STAG1: variants seen among roughly 807,000 people sequenced by gnomAD.
STAG1 encodes the protein STAG1 cohesin complex component, also known as cohesin subunit SA-1.
Under a neutral mutation model 170.9 loss-of-function variants are expected in STAG1, and 26 were observed. That is an observed-to-expected ratio of 0.15 (90% CI 0.11 to 0.21). The LOEUF (loss-of-function observed/expected upper bound fraction) is 0.21. Ranked by LOEUF, STAG1 falls within the 10% of genes least tolerant of loss-of-function variation. The pLI, the probability that STAG1 is intolerant of heterozygous loss-of-function variation, is 1.00. For synonymous variants in STAG1, 514 were observed against 497.7 expected (o/e 1.03, Z -0.44); for missense variants, 964 against 1,509.5 (o/e 0.64, Z 5.99).
chr3:136,499,960 A>AT (rs1254397953), intron 9 of STAG1: 2 of 269,722 alleles, frequency 7.4e-6, no homozygotes, highest in Non-Finnish European at 1.4e-5. Flanking sequence ...GATCCTATTA[A>AT]TTAATATTCC....
At chr3:136,549,366 A>G in intron 5 of STAG1, among the ~76,000 whole-genome samples, 1 of 151,872 alleles carries the variant, frequency 6.6e-6, no homozygotes, top group Non-Finnish European at 1.5e-5. Context: ...GCTGGAGTGC[A>G]ATGGTATGAT....
chr3:136,737,604 C>A (rs1934415379), intron 1 of STAG1, among the ~76,000 whole-genome samples: 1 of 152,200 alleles, frequency 6.6e-6, no homozygotes, highest in African/African-American at 2.4e-5. Flanking sequence ...CATACTACCT[C>A]TTGCTTCCTG....
At chr3:136,588,125 T>C (rs891130113) in intron 4 of STAG1, among the ~76,000 whole-genome samples, 7 of 152,222 alleles carry the variant, frequency 4.6e-5, no homozygotes, top group Non-Finnish European at 8.8e-5. Context: ...GTTCAACAAA[T>C]AGCAAAACAT....
intron 3 of STAG1, among the ~76,000 whole-genome samples, chr3:136,621,611 TA>T (rs1020413496): frequency 3.3e-5 from 5 of 152,322 alleles, no homozygotes; most frequent in African/African-American, 9.6e-5. Flanking sequence ...CTTCCCCCAT[TA>T]TTTTTTTCCT....
At chr3:136,668,390 A>ATATAT (rs1559940333) in intron 1 of STAG1, among the ~76,000 whole-genome samples, 1 of 146,420 alleles carries the variant, frequency 6.8e-6, no homozygotes, top group Non-Finnish European at 1.5e-5. Flanking sequence ...ATAATATATA[A>ATATAT]AATATATATT....
chr3:136,591,233 AAGGG>A (rs895927331), intron 4 of STAG1, among the ~76,000 whole-genome samples: 139 of 129,282 alleles, frequency 1.1e-3, no homozygotes, highest in Middle Eastern at 3.9e-3. Flanking sequence ...AAAAAAAAAG[AAGGG>A]AGGGAGGGAG....
At chr3:136,499,132 G>A (rs1933324356) in intron 9 of STAG1, among the ~76,000 whole-genome samples, 1 of 152,104 alleles carries the variant, frequency 6.6e-6, no homozygotes, top group Admixed American at 6.6e-5. Flanking sequence ...ATGGTTTACA[G>A]GCAATTCTTG....
intron 2 of STAG1, among the ~76,000 whole-genome samples, chr3:136,625,698 T>G (rs1940063676): frequency 6.6e-6 from 1 of 152,152 alleles, no homozygotes; most frequent in South Asian, 2.1e-4. Flanking sequence ...AATCTGTTTC[T>G]CACTCTTTCC....
chr3:136,416,132 C>T (rs1292639041), intron 21 of STAG1, among the ~76,000 whole-genome samples: 5 of 152,032 alleles, frequency 3.3e-5, no homozygotes, highest in South Asian at 2.1e-4. Context: ...CTCAGCCTCC[C>T]GAGTAGCTGG....
chr3:136,553,164 G>T (rs994815295), intron 5 of STAG1, among the ~76,000 whole-genome samples: 5 of 152,038 alleles, frequency 3.3e-5, no homozygotes, highest in African/African-American at 1.2e-4. Context: ...TTACAGAAAT[G>T]AACAATACAC....
chr3:136,518,567 T>C (rs563549266), intron 7 of STAG1, among the ~76,000 whole-genome samples: 2 of 152,286 alleles, frequency 1.3e-5, no homozygotes, highest in African/African-American at 4.8e-5. Flanking sequence ...AAGCCCTCTG[T>C]GCTTTGTTGA....
At chr3:136,697,747 C>G (rs1406977548) in intron 1 of STAG1, among the ~76,000 whole-genome samples, 1 of 152,164 alleles carries the variant, frequency 6.6e-6, no homozygotes, top group Non-Finnish European at 1.5e-5. Flanking sequence ...TAGACACAAC[C>G]CAGGCATTTT....
chr3:136,521,535 A>G, intron 6 of STAG1, 118 bp from the exon 7 acceptor site: 1 of 745,372 alleles, frequency 1.3e-6, no homozygotes. Context: ...AGAAAGAAAT[A>G]GGTGACTTTC....
chr3:136,673,107 T>C lies in STAG1; in HGVS notation c.-83-42126A>G, dbSNP rs536301858. Among the ~76,000 whole-genome samples, 28 of 152,344 alleles carry C rather than the reference T, an allele frequency of 1.8e-4. 1 individual carries two copies. Among genetic ancestry groups the C allele is most frequent in the African/African-American group, 6.5e-4 (27 of 41,594 alleles). ...TGAAAAAGGGAATAAGAATTCGTTT[T>C]AATATCAAAACAACATAGAGAGTTA... On this transcript the variant is annotated intron_variant, in intron 1 of 33. Coordinates refer to ENST00000383202, the MANE Select transcript of STAG1 (RefSeq NM_005862.3).
At chr3:136,749,533 G>A (rs527703187) in intron 1 of STAG1, among the ~76,000 whole-genome samples, 2 of 152,216 alleles carry the variant, frequency 1.3e-5, no homozygotes, top group South Asian at 2.1e-4. Context: ...AGATCACGAG[G>A]TGAAGAGATG....
chr3:136,587,168 TA>T (rs758067073), intron 4 of STAG1, among the ~76,000 whole-genome samples: 4,961 of 143,516 alleles, frequency 0.035, 91 homozygotes, highest in Non-Finnish European at 0.038. Context: ...CTAATTATGT[TA>T]AAAAAAAAAA....
chr3:136,451,793 T>C (rs908780456), intron 14 of STAG1, among the ~76,000 whole-genome samples: 7 of 151,914 alleles, frequency 4.6e-5, no homozygotes, highest in African/African-American at 1.4e-4. Flanking sequence ...TATGCAGTAT[T>C]GCAATACTGT....
chr3:136,568,583 T>A (rs747318518), intron 5 of STAG1, among the ~76,000 whole-genome samples, 182 bp downstream of exon 5: 10 of 152,084 alleles, frequency 6.6e-5, no homozygotes, highest in Non-Finnish European at 1.0e-4. Context: ...GGAGCAAAAC[T>A]GAACAAGAAC....
chr3:136,397,815 T>C (rs1409472990), intron 22 of STAG1, among the ~76,000 whole-genome samples: 2 of 152,084 alleles, frequency 1.3e-5, no homozygotes, highest in Non-Finnish European at 2.9e-5. Context: ...CCCACATTTT[T>C]CTTTGTTTTG....
Sources: allele counts gnomAD v4.1 joint callset (sites outside exome capture counted in the v4.1 genomes callset), GRCh38; gene constraint gnomAD v4.1.1; transcripts MANE v1.5; gene names NCBI Gene and HGNC (gene_info 2026-07-23, HGNC 2026-07-21).